The following QSOX1 variants were observed in gnomAD, a reference collection of about 807,000 sequenced individuals.
QSOX1 encodes the protein sulfhydryl oxidase 1.
A neutral mutation model predicts 76.1 loss-of-function variants in QSOX1; 40 were observed. The observed-to-expected ratio is 0.53, with a 90% confidence interval of 0.41 to 0.68. QSOX1 has a LOEUF of 0.68. Among genes scored for constraint, QSOX1 ranks in the 30% least tolerant of loss-of-function variants. QSOX1 has a pLI of 0.00. For missense variants in QSOX1, 931 were observed against 974.3 expected, an observed-to-expected ratio of 0.96 and a Z score of 0.59; for synonymous variants, 392 against 413.1, an observed-to-expected ratio of 0.95 and a Z score of 0.62.
chr1:180,194,997 G>GGGC lies in QSOX1; in HGVS notation c.1468+607_1468+608insCGG, dbSNP rs112740591. Among the ~76,000 whole-genome samples, 19 of 137,728 alleles carry GGGC rather than the reference G, an allele frequency of 1.4e-4. 1 individual carries two copies. Among genetic ancestry groups the GGGC allele is most frequent in the Non-Finnish European group, 2.5e-4 (16 of 64,814 alleles). The allele number at this position is 137,728 out of a possible 152,430, so 90.4% of individuals were successfully genotyped here. A position where few individuals can be genotyped will look rare whatever the true frequency, so the allele number is the denominator to read the frequency against. ...GTGCACGTGGCTGTGACAGCCTCCC[G>GGGC]GGGGGGGGAGACCAGGGCGGAGCCG... On this transcript the variant is annotated intron_variant, in intron 11 of 11. Transcript: ENST00000367602.
chr1:180,196,595 C>G lies in QSOX1; in HGVS notation c.1802C>G (p.Pro601Arg). ...ACCCCACATGTGCCGGCTGAGGGAC[C>G]TGAGGCAAGTCGACCCCCGAAGCTG... ...NTTPHVPAEG[P>R]EASRPPKLHP... The change falls in exon 12 of 12, where the codon CCT becomes CGT. Residue 601 changes from proline (P) to arginine (R), a missense_variant. Coordinates refer to ENST00000367602, the MANE Select transcript of QSOX1 (RefSeq NM_002826.5). This position sits in a 1 kb window ranked among gnomAD's most constrained non-coding sequence, Gnocchi z 4.1. 1.2e-6 allele frequency: 2 copies of G among 1,614,182 alleles called. No individual in the cohort carries two copies. Among genetic ancestry groups the G allele is most frequent in the Non-Finnish European group, 8.5e-7 (1 of 1,180,042 alleles).
chr1:180,195,000 G>GGGGGC (rs1663429633), intron 11 of QSOX1, among the ~76,000 whole-genome samples: 1 of 151,202 alleles, frequency 6.6e-6, no homozygotes, highest in African/African-American at 2.4e-5. Flanking sequence ...GCCTCCCGGG[G>GGGGGC]GGGGGAGACC....
intron 2 of QSOX1, among the ~76,000 whole-genome samples, chr1:180,169,931 T>C (rs1289814431): frequency 6.6e-6 from 1 of 152,142 alleles, no homozygotes; most frequent in Non-Finnish European, 1.5e-5. Flanking sequence ...GACTTCTACT[T>C]GGTGTTGAAG....
chr1:180,191,344 A>G (rs1663305377), intron 10 of QSOX1, among the ~76,000 whole-genome samples: 1 of 152,206 alleles, frequency 6.6e-6, no homozygotes, highest in Non-Finnish European at 1.5e-5. Context: ...AAGAGAGGGC[A>G]GGCTCGACGC....
intron 5 of QSOX1, among the ~76,000 whole-genome samples, chr1:180,179,989 G>A (rs1421682043): frequency 6.6e-6 from 1 of 152,230 alleles, no homozygotes; most frequent in African/African-American, 2.4e-5. Flanking sequence ...CAGTCCTTGA[G>A]TACCAAGGGG....
chr1:180,191,961 T>A (rs1389172442), intron 10 of QSOX1, among the ~76,000 whole-genome samples: 4 of 151,940 alleles, frequency 2.6e-5, no homozygotes, highest in Non-Finnish European at 5.9e-5. Context: ...TCTCCTTGTG[T>A]CTCCGTGCAG....
chr1:180,185,255 G>T (rs935666665), intron 7 of QSOX1, among the ~76,000 whole-genome samples: 1 of 152,212 alleles, frequency 6.6e-6, no homozygotes, highest in Non-Finnish European at 1.5e-5. Context: ...GTGTTTTACA[G>T]GTGAGCTGAC....
Position 180,156,387 on chromosome 1 carries a change from G to C in QSOX1, c.265+1215G>C, listed in dbSNP as rs77397585. Among the ~76,000 whole-genome samples the C allele has an allele frequency of 4.0e-3, 605 of 152,270 alleles. 2 individuals carry two copies. Among genetic ancestry groups the C allele is most frequent in the African/African-American group, 0.014 (570 of 41,550 alleles). Reference sequence around the variant, plus strand: ...GAAATGGTCATTGAATGAGAACTGTGGGCATCTTTGGAAATAGGCCTTTTT... The same window carrying C: ...GAAATGGTCATTGAATGAGAACTGTCGGCATCTTTGGAAATAGGCCTTTTT... On this transcript the variant is annotated intron_variant, in intron 1 of 11. Transcript: ENST00000367602.
intron 5 of QSOX1, among the ~76,000 whole-genome samples, chr1:180,181,233 A>G (rs983398883): frequency 2.6e-5 from 4 of 152,192 alleles, no homozygotes; most frequent in African/African-American, 9.7e-5. Context: ...AGGAAGCTTT[A>G]TAAATATAAG....
rs925516537 is a variant in QSOX1 at position 180,197,272 on chromosome 1, G to A, written c.*235G>A. 2.2e-5 allele frequency: 35 copies of A among 1,612,804 alleles called. No individual in the cohort carries two copies. The highest frequency in any genetic ancestry group is 2.0e-4 in the South Asian group (18 of 91,022). Reference sequence around the variant, plus strand: ...CCTGCTGTGCAGGGAGGGCAGCCCCGGGCAGTGGGCATAGGGCAGCTCAGT... The same window carrying A: ...CCTGCTGTGCAGGGAGGGCAGCCCCAGGCAGTGGGCATAGGGCAGCTCAGT... On this transcript the variant is annotated 3_prime_UTR_variant, in exon 12 of 12. Coordinates refer to ENST00000367602, the MANE Select transcript of QSOX1 (RefSeq NM_002826.5).
Position 180,196,420 on chromosome 1 carries a change from G to C in QSOX1, c.1627G>C (p.Asp543His). The C allele has an allele frequency of 6.2e-7, 1 of 1,614,200 alleles. No homozygotes were observed. The highest frequency in any genetic ancestry group is 2.2e-5 in the East Asian group (1 of 44,886). ...AHFSPSNIILDFPAAGSAARR... is the reference protein window; with the variant it reads ...AHFSPSNIILHFPAAGSAARR... ...CTTCTCCCCAAGCAACATCATCCTG[G>C]ACTTCCCTGCAGCTGGGTCAGCTGC... The change falls in exon 12 of 12, where the codon GAC becomes CAC. Residue 543 changes from aspartate (D) to histidine (H), a missense_variant. Transcript: ENST00000367602. The surrounding 1 kb of genome is among the most constrained non-coding windows in gnomAD (Gnocchi z 4.1).
At position 180,184,017 on chromosome 1, in the gene QSOX1, A is replaced by G; in HGVS notation, c.854A>G (p.Lys285Arg). The change falls in exon 7 of 12, where the codon AAG (lysine) becomes AGG (arginine). Residue 285 changes from lysine (K) to arginine (R), a missense_variant. Coordinates refer to ENST00000367602, the MANE Select transcript of QSOX1 (RefSeq NM_002826.5). ...ACAGTTGCACCAACCACTGCTAACA[A>G]GATAGCTCCCACTGTTTGGAAATTG... ...QTTVAPTTAN[K>R]IAPTVWKLAD... 3 of 1,614,228 alleles carry G rather than the reference A, an allele frequency of 1.9e-6. No homozygotes were observed. The highest frequency in any genetic ancestry group is 2.5e-6 in the Non-Finnish European group (3 of 1,180,036).
chr1:180,162,788 A>G (rs1272536629), intron 1 of QSOX1, among the ~76,000 whole-genome samples: 3 of 152,202 alleles, frequency 2.0e-5, no homozygotes, highest in Non-Finnish European at 4.4e-5. Context: ...TCAAAATAGG[A>G]TCACAGGTCA....
At position 180,197,738 on chromosome 1, in the gene QSOX1, G is replaced by A; in HGVS notation, c.*701G>A. The A allele has an allele frequency of 3.4e-6, 1 of 291,430 alleles. No individual in the cohort carries two copies. Among genetic ancestry groups the A allele is most frequent in the Admixed American group, 4.7e-5 (1 of 21,130 alleles). The allele number at this position is 291,430 out of a possible 1,614,324, so 18.1% of individuals were successfully genotyped here. A position where few individuals can be genotyped will look rare whatever the true frequency, so the allele number is the denominator to read the frequency against. On this transcript the variant is annotated 3_prime_UTR_variant, in exon 12 of 12. Transcript: ENST00000367602. ...CATGGGAAGGATGTGGGTCTCTAGT[G>A]CCTTGCCCTGGCTTAGCTGCAGGAG... is the stretch of plus-strand genomic sequence containing the variant.
Position 180,155,158 on chromosome 1 carries a change from C to T in QSOX1, c.251C>T (p.Ala84Val), listed in dbSNP as rs1438908648. Residue 84 changes from alanine to valine, a missense_variant, in exon 1 of 12, where the codon GCC (alanine) becomes GTC (valine). Transcript: ENST00000367602. ...IAFAPTWKALAEDVKAWRPAL... is the reference protein window; with the variant it reads ...IAFAPTWKALVEDVKAWRPAL... ...TTCGCCCCGACGTGGAAGGCGCTGG[C>T]CGAAGACGTCAAAGGTGAGAAGCGG... 7.3e-6 allele frequency: 11 copies of T among 1,516,448 alleles called. No individual in the cohort carries two copies. The highest frequency in any genetic ancestry group is 9.7e-6 in the Non-Finnish European group (11 of 1,136,486). 93.9% of individuals were successfully genotyped at this position (1,516,448 alleles called of 1,614,324 possible).
intron 1 of QSOX1, among the ~76,000 whole-genome samples, chr1:180,157,114 A>G (rs2149227983): frequency 1.3e-5 from 2 of 152,318 alleles, no homozygotes; most frequent in East Asian, 3.9e-4. Context: ...GCCTTTCTCT[A>G]AAATAAGAAA....
chr1:180,163,344 C>A (rs1444508905), intron 1 of QSOX1, among the ~76,000 whole-genome samples: 1 of 152,210 alleles, frequency 6.6e-6, no homozygotes, highest in Non-Finnish European at 1.5e-5. Flanking sequence ...CCTTTATAAA[C>A]CGTGCCATAC....
intron 1 of QSOX1, among the ~76,000 whole-genome samples, chr1:180,161,009 A>G (rs1038333730): frequency 2.6e-5 from 4 of 152,140 alleles, no homozygotes; most frequent in Non-Finnish European, 5.9e-5. Flanking sequence ...TAACAGATGT[A>G]CTATAGTTTT....
chr1:180,175,945 G>A lies in QSOX1; in HGVS notation c.427G>A (p.Val143Met), dbSNP rs756169623. ...GAVFPVAGAD[V>M]QTLRERLIDA... ...TTCATTTACAGTGGCTGGTGCTGAC[G>A]TGCAGACACTGCGGGAGAGGCTCAT... is the stretch of plus-strand genomic sequence containing the variant. The change falls in exon 4 of 12, where the codon GTG becomes ATG. Residue 143 changes from valine to methionine, a missense_variant. Physicochemically the swap from Val to Met is conservative, Grantham distance 21. Transcript: ENST00000367602. 4.4e-6 allele frequency: 7 copies of A among 1,593,898 alleles called. No homozygotes were observed. The highest frequency in any genetic ancestry group is 3.6e-5 in the Admixed American group (2 of 56,232).
Sources: gnomAD v4.1 joint callset for allele counts (sites outside exome capture counted in the v4.1 genomes callset) on GRCh38, gnomAD v4.1.1 for gene constraint, Gnocchi (gnomAD v3.1) non-coding constraint, MANE v1.5 for transcripts, NCBI Gene and HGNC (gene_info 2026-07-23, HGNC 2026-07-21) for gene names.